The following PDS5A variants were observed in gnomAD, a reference collection of about 807,000 sequenced individuals.
PDS5A encodes the protein PDS5 cohesin associated factor A.
Under a neutral mutation model 167.1 loss-of-function variants are expected in PDS5A, and 42 were observed. The observed-to-expected ratio is 0.25, with a 90% CI of 0.20 to 0.33. The LOEUF (loss-of-function observed/expected upper bound fraction) is 0.33. Among genes scored for constraint, PDS5A ranks in the 10% least tolerant of loss-of-function variants. The probability of loss-of-function intolerance (pLI) is 1.00; values close to 1 mark genes in which losing one functional copy is unlikely to be tolerated. For missense variants in PDS5A, 1,033 were observed against 1,605.9 expected (o/e 0.64, Z 6.10); for synonymous variants, 553 against 554.6 (o/e 1.00, Z 0.04).
chr4:39,863,301 G>C (rs778482883), intron 24 of PDS5A, 35 bp downstream of exon 24: 57 of 1,498,414 alleles, frequency 3.8e-5, no homozygotes, highest in Non-Finnish European at 6.4e-6. Context: ...CAACTTTGAA[G>C]ATAAGTAATT....
chr4:39,882,546 A>C (rs1721050781), intron 17 of PDS5A, among the ~76,000 whole-genome samples: 1 of 152,212 alleles, frequency 6.6e-6, no homozygotes, highest in Admixed American at 6.5e-5. Flanking sequence ...AGTGTGTTTC[A>C]AAAAAATTTA....
chr4:39,874,464 G>C (rs1308011128), intron 19 of PDS5A, 52 bp from the exon 20 acceptor site: 4 of 1,496,086 alleles, frequency 2.7e-6, no homozygotes, highest in Non-Finnish European at 3.7e-6. Flanking sequence ...AAACCAACAA[G>C]TATTCCTTTG....
intron 8 of PDS5A, among the ~76,000 whole-genome samples, chr4:39,914,382 G>A (rs28712572): frequency 0.25 from 37,274 of 151,576 alleles, 5,048 homozygotes; most frequent in East Asian, 0.44. Flanking sequence ...GGCTGGTCTC[G>A]AACTCCTGAT....
intron 2 of PDS5A, among the ~76,000 whole-genome samples, chr4:39,949,710 C>T (rs549939778): frequency 6.0e-5 from 9 of 149,382 alleles, no homozygotes; most frequent in East Asian, 4.0e-4. Context: ...GGCGCACACC[C>T]GGCTACGCAG....
intron 26 of PDS5A, among the ~76,000 whole-genome samples, chr4:39,861,530 C>T (rs772089061): frequency 8.5e-5 from 13 of 152,164 alleles, no homozygotes; most frequent in Non-Finnish European, 1.8e-4. Flanking sequence ...TAAGTTCTGA[C>T]ATTTGATACC....
chr4:39,884,415 A>G (rs887893941), intron 17 of PDS5A, among the ~76,000 whole-genome samples: 1 of 152,214 alleles, frequency 6.6e-6, no homozygotes, highest in Non-Finnish European at 1.5e-5. Flanking sequence ...AAACAGACTC[A>G]GTAGTCTTCT....
chr4:39,891,214 G>A (rs1236070116), intron 16 of PDS5A, among the ~76,000 whole-genome samples: 2 of 150,956 alleles, frequency 1.3e-5, no homozygotes, highest in Non-Finnish European at 3.0e-5. Context: ...TATATTTTTA[G>A]TAGACATGGG....
At chr4:39,825,572 G>T in intron 32 of PDS5A, 84 bp from the exon 33 acceptor site, 42 of 918,658 alleles carry the variant, frequency 4.6e-5, no homozygotes, top group South Asian at 1.1e-4. Context: ...TTCCATAGTT[G>T]TTATCTAAAA....
chr4:39,943,123 T>TACACACACAC (rs35361618), intron 2 of PDS5A, among the ~76,000 whole-genome samples: 6 of 144,834 alleles, frequency 4.1e-5, no homozygotes, highest in African/African-American at 1.6e-4. Flanking sequence ...ACTATGCAAA[T>TACACACACAC]ACACACACAC....
intron 32 of PDS5A, among the ~76,000 whole-genome samples, chr4:39,835,088 G>A (rs535885980): frequency 9.2e-5 from 14 of 152,126 alleles, no homozygotes; most frequent in African/African-American, 2.9e-4. Flanking sequence ...ACAGGGGTGC[G>A]CCACCACACC....
chr4:39,890,335 A>G lies in PDS5A; in HGVS notation c.1800T>C (p.Pro600=), dbSNP rs1375904672. 6.3e-7 allele frequency: 1 copy of G among 1,582,176 alleles called. No homozygotes were observed. The highest frequency in any genetic ancestry group is 2.3e-5 in the East Asian group (1 of 44,196). The change falls in exon 17 of 33, where the codon CCT becomes CCC. Residue 600 remains proline, a synonymous_variant. Coordinates refer to ENST00000303538, the MANE Select transcript of PDS5A (RefSeq NM_001100399.2). ...VREIARKLAN[P]KQPTNPFLEM... is the part of the protein sequence containing the mutation. ...CTAGAAAAGGATTTGTTGGTTGCTTAGGATTTGCAAGTTTCCGGGCTATTT... is the reference window on the plus strand; with the variant it reads ...CTAGAAAAGGATTTGTTGGTTGCTTGGGATTTGCAAGTTTCCGGGCTATTT...
At chr4:39,943,612 C>T (rs1487787083) in intron 2 of PDS5A, among the ~76,000 whole-genome samples, 8 of 116,602 alleles carry the variant, frequency 6.9e-5, no homozygotes, top group African/African-American at 2.2e-4. Flanking sequence ...GGTGAAACCC[C>T]GTTTCTACAA....
chr4:39,975,106 C>CAAAA (rs57418654), intron 2 of PDS5A, among the ~76,000 whole-genome samples: 19 of 85,206 alleles, frequency 2.2e-4, no homozygotes, highest in East Asian at 1.2e-3. Context: ...GACTCCGTCT[C>CAAAA]AAAAAAAAAA....
intron 1 of PDS5A, among the ~76,000 whole-genome samples, chr4:39,976,829 C>G (rs1731139109): frequency 6.6e-6 from 1 of 152,192 alleles, no homozygotes; most frequent in African/African-American, 2.4e-5. Context: ...CTCCTCCGCA[C>G]CAGCCGCCGT....
chr4:39,943,660 A>C (rs903671861), intron 2 of PDS5A, among the ~76,000 whole-genome samples: 1 of 151,022 alleles, frequency 6.6e-6, no homozygotes. Flanking sequence ...TACAAAAATT[A>C]GCCAGATGTG....
At chr4:39,933,721 A>T (rs1007292007) in intron 2 of PDS5A, among the ~76,000 whole-genome samples, 1 of 152,242 alleles carries the variant, frequency 6.6e-6, no homozygotes. Flanking sequence ...ACCACACAGG[A>T]ACAGAAATGA....
intron 16 of PDS5A, among the ~76,000 whole-genome samples, chr4:39,895,318 T>C (rs918314886): frequency 1.3e-5 from 2 of 151,954 alleles, no homozygotes; most frequent in East Asian, 1.9e-4. Context: ...TGCTACAAAA[T>C]TGTACAGCAT....
intron 17 of PDS5A, among the ~76,000 whole-genome samples, chr4:39,886,362 T>C (rs1340491519): frequency 1.3e-5 from 2 of 152,178 alleles, no homozygotes; most frequent in Non-Finnish European, 2.9e-5. Context: ...GTCATTTGTA[T>C]TTTGATAGAT....
intron 32 of PDS5A, among the ~76,000 whole-genome samples, chr4:39,829,144 G>A (rs1715583608): frequency 1.3e-5 from 2 of 152,134 alleles, no homozygotes; most frequent in East Asian, 3.8e-4. Flanking sequence ...CCAGTTAGTT[G>A]GTTGAAACTG....
Sources: allele counts gnomAD v4.1 joint callset (sites outside exome capture counted in the v4.1 genomes callset), GRCh38; gene constraint gnomAD v4.1.1; transcripts MANE v1.5; gene names NCBI Gene and HGNC (gene_info 2026-07-23, HGNC 2026-07-21).